THRAP3: variants seen among roughly 807,000 people sequenced by gnomAD.
The protein encoded by THRAP3 is thyroid hormone receptor associated protein 3.
Under a neutral mutation model 101.0 loss-of-function variants are expected in THRAP3, and 16 were observed. The ratio of observed to expected loss-of-function variants is 0.16; its 90% CI spans 0.11 to 0.24. The LOEUF is 0.24. THRAP3 is among the 10% of genes least tolerant of loss of function. The probability of loss-of-function intolerance (pLI) is 1.00; values close to 1 mark genes in which losing one functional copy is unlikely to be tolerated. For missense variants in THRAP3, 989 were observed against 1,202.7 expected (o/e 0.82, Z 2.63); for synonymous variants, 407 against 422.6 (o/e 0.96, Z 0.45).
Position 36,300,996 on chromosome 1 carries a change from G to A in THRAP3, c.2414G>A (p.Ser805Asn). 1.2e-6 allele frequency: 2 copies of A among 1,614,220 alleles called. No individual in the cohort carries two copies. Among genetic ancestry groups the A allele is most frequent in the Non-Finnish European group, 8.5e-7 (1 of 1,180,044 alleles). The change falls in exon 10 of 12, where the codon AGC becomes AAC. Residue 805 changes from serine to asparagine, a missense_variant. By Grantham distance (46) the Ser-to-Asn change is conservative. Transcript: ENST00000354618. ...GAAGAGACAGAGGAAAGAGAGGAGA[G>A]CACCACGGGCTTTGACAAATCAAGA... is the stretch of plus-strand genomic sequence containing the variant. ...YTEETEEREE[S>N]TTGFDKSRLG...
intron 1 of THRAP3, 94 bp from the exon 2 acceptor site, chr1:36,259,288 T>G (rs765817837): frequency 5.8e-5 from 23 of 396,372 alleles, no homozygotes; most frequent in Admixed American, 1.3e-4. Flanking sequence ...AGCTGAGGGC[T>G]AAAGTAGGGT....
At chr1:36,229,423 GTTTT>G in intron 1 of THRAP3, among the ~76,000 whole-genome samples, 2 of 38,922 alleles carry the variant, frequency 5.1e-5, no homozygotes, top group Non-Finnish European at 1.2e-4. Context: ...TTTTTTTTTT[GTTTT>G]TTTTTTTTTG....
intron 2 of THRAP3, among the ~76,000 whole-genome samples, chr1:36,261,882 G>A (rs145752141): frequency 2.0e-5 from 3 of 152,220 alleles, no homozygotes; most frequent in Admixed American, 6.5e-5. Context: ...CCAAACTCAT[G>A]TGGAGAGTTA....
chr1:36,225,708 A>G (rs1644954604), intron 1 of THRAP3, among the ~76,000 whole-genome samples: 1 of 152,140 alleles, frequency 6.6e-6, no homozygotes, highest in African/African-American at 2.4e-5. Context: ...TGACGTGTGT[A>G]TTATGATTTA....
At chr1:36,222,925 CT>C (rs1273950060), upstream of THRAP3, among the ~76,000 whole-genome samples, 4 of 151,948 alleles carry the variant, frequency 2.6e-5, no homozygotes, top group Non-Finnish European at 5.9e-5. Context: ...GGTCAGGAGT[CT>C]GATACCAGCT....
At chr1:36,267,234 G>C (rs1645526926) in intron 2 of THRAP3, among the ~76,000 whole-genome samples, 1 of 152,166 alleles carries the variant, frequency 6.6e-6, no homozygotes, top group South Asian at 2.1e-4. Context: ...CAGAGTCACA[G>C]TGTATGTGTA....
chr1:36,277,532 T>C (rs1308880565), intron 2 of THRAP3, among the ~76,000 whole-genome samples: 2 of 148,114 alleles, frequency 1.4e-5, no homozygotes, highest in East Asian at 4.0e-4. Flanking sequence ...TGGAGACAGA[T>C]AACGTGCTTT....
chr1:36,288,191 AGGT>A, intron 4 of THRAP3: 1 of 924,972 alleles, frequency 1.1e-6, no homozygotes, highest in Non-Finnish European at 1.3e-6. Context: ...TTGGGCGAAT[AGGT>A]GGTGTTTGGT....
At position 36,241,420 on chromosome 1, in the gene THRAP3, TATATATATAC is replaced by T. The variant is rs1557811440; in HGVS notation, c.-135+16917_-135+16926del. ...ATATATATATATATATATATATATATATATATATACACATATATAAATAAATATATATTCT... is the reference window on the plus strand; with the variant it reads ...ATATATATATATATATATATATATATACATATATAAATAAATATATATTCT... On this transcript the variant is annotated intron_variant, in intron 1 of 11. Transcript: ENST00000354618. Among the ~76,000 whole-genome samples the T allele has an allele frequency of 1.1e-3, 150 of 132,840 alleles. 1 individual carries two copies. Among genetic ancestry groups the T allele is most frequent in the African/African-American group, 4.4e-3 (139 of 31,750 alleles). 87.1% of individuals were successfully genotyped at this position (132,840 alleles called of 152,430 possible).
chr1:36,274,282 G>A (rs1369408105), intron 2 of THRAP3, among the ~76,000 whole-genome samples: 1 of 152,126 alleles, frequency 6.6e-6, no homozygotes, highest in Non-Finnish European at 1.5e-5. Context: ...CTGAAACATT[G>A]TGGAAAGACA....
chr1:36,283,230 G>A (rs923953201), intron 3 of THRAP3, among the ~76,000 whole-genome samples: 1 of 152,090 alleles, frequency 6.6e-6, no homozygotes, highest in Non-Finnish European at 1.5e-5. Flanking sequence ...TTTAAAAATC[G>A]CTATTGAAAA....
At chr1:36,221,391 T>C (rs1644902115), upstream of THRAP3, among the ~76,000 whole-genome samples, 1 of 152,004 alleles carries the variant, frequency 6.6e-6, no homozygotes, top group Non-Finnish European at 1.5e-5. Context: ...ACTTTTCATT[T>C]TCTCAGTGGA....
At chr1:36,233,513 CAAA>C (rs750938761) in intron 1 of THRAP3, among the ~76,000 whole-genome samples, 1 of 121,632 alleles carries the variant, frequency 8.2e-6, no homozygotes, top group Non-Finnish European at 1.7e-5. Context: ...GACTCCATCT[CAAA>C]AAAAAAAAAA....
intron 11 of THRAP3, 73 bp from the exon 12 acceptor site, chr1:36,303,723 G>A (rs2124655745): frequency 1.3e-6 from 2 of 1,598,618 alleles, no homozygotes; most frequent in Non-Finnish European, 1.7e-6. Context: ...GCACATTTGG[G>A]TGCGTGCAGA....
At chr1:36,215,753 C>T in the THRAP3 span, among the ~76,000 whole-genome samples, 1 of 145,032 alleles carries the variant, frequency 6.9e-6, no homozygotes, top group African/African-American at 2.5e-5. Flanking sequence ...AGAATATTTT[C>T]TTTTTTTTTT....
the THRAP3 span, among the ~76,000 whole-genome samples, chr1:36,215,808 G>C: frequency 6.6e-6 from 1 of 151,102 alleles, no homozygotes; most frequent in Non-Finnish European, 1.5e-5. Context: ...GGAGTGCAAC[G>C]GCACGATCTC....
intron 2 of THRAP3, among the ~76,000 whole-genome samples, chr1:36,270,088 T>C (rs1299251844): frequency 6.6e-6 from 1 of 152,138 alleles, no homozygotes; most frequent in Non-Finnish European, 1.5e-5. Context: ...GAATCAATAC[T>C]TCTATAATAA....
At chr1:36,251,574 C>T (rs974183680) in intron 1 of THRAP3, among the ~76,000 whole-genome samples, 2 of 152,200 alleles carry the variant, frequency 1.3e-5, no homozygotes, top group Admixed American at 1.3e-4. Flanking sequence ...GCTCTTTTTA[C>T]AGGTTTTCAA....
At chr1:36,217,036 CT>C in the THRAP3 span, among the ~76,000 whole-genome samples, 3 of 152,056 alleles carry the variant, frequency 2.0e-5, no homozygotes, top group African/African-American at 4.8e-5. Context: ...TTTGTTTACT[CT>C]TTTTTTTCCT....
Sources: allele counts gnomAD v4.1 joint callset (sites outside exome capture counted in the v4.1 genomes callset), GRCh38; gene constraint gnomAD v4.1.1; transcripts MANE v1.5; gene names NCBI Gene and HGNC (gene_info 2026-07-23, HGNC 2026-07-21).